The following APBA1 variants were observed in gnomAD, a reference collection of about 807,000 sequenced individuals.
APBA1 encodes the protein amyloid beta precursor protein binding family A member 1, also known as amyloid-beta A4 precursor protein-binding family A member 1.
In APBA1, 55 loss-of-function variants were observed where a neutral mutation model predicts 86.6. The observed-to-expected ratio is 0.64, with a 90% confidence interval of 0.51 to 0.80. The LOEUF (loss-of-function observed/expected upper bound fraction) is 0.80. Among genes scored for constraint, APBA1 ranks in the 30% least tolerant of loss-of-function variants. The pLI is 0.00. For missense variants in APBA1, 1,090 were observed against 1,183.0 expected (o/e 0.92, Z 1.15); for synonymous variants, 511 against 493.9 (o/e 1.03, Z -0.46).
chr9:69,578,277 C>G (rs1821846084), intron 1 of APBA1, among the ~76,000 whole-genome samples: 1 of 152,200 alleles, frequency 6.6e-6, no homozygotes, highest in African/African-American at 2.4e-5. Flanking sequence ...AAAGCTGCTT[C>G]TATGTCCCCA....
chr9:69,665,005 A>G (rs1018989318), intron 1 of APBA1, among the ~76,000 whole-genome samples: 5 of 152,220 alleles, frequency 3.3e-5, no homozygotes, highest in African/African-American at 1.2e-4. Context: ...AGCTGTATCG[A>G]CAGTCTCCAA....
At position 69,460,305 on chromosome 9, in the gene APBA1, T is replaced by G. The variant is rs571613618; in HGVS notation, c.1483-2117A>C. Among the ~76,000 whole-genome samples, 9 of 152,334 alleles carry G rather than the reference T, an allele frequency of 5.9e-5. No homozygotes were observed. In the East Asian group the frequency reaches 1.7e-3, roughly 29 times the overall value. ...TGAAAAAGTTTGAAGGTAGCAACTC[T>G]GTCATCCTGACTGCTGCACATTACA... On this transcript the variant is annotated intron_variant, in intron 5 of 12. Transcript: ENST00000265381.
intron 1 of APBA1, among the ~76,000 whole-genome samples, chr9:69,530,552 C>A (rs1836415077): frequency 6.6e-6 from 1 of 151,800 alleles, no homozygotes; most frequent in African/African-American, 2.4e-5. Context: ...ACTATAGATA[C>A]CAGGGACTCC....
chr9:69,614,410 C>A lies in APBA1; in HGVS notation c.-70+57743G>T, dbSNP rs1423162464. The stretch of plus-strand genomic sequence containing the variant: ...CAAATGATAAGTGATGCTAGACCTT[C>A]CTTAAATTACATTTATGGGTATGTT... On this transcript the variant is annotated intron_variant, in intron 1 of 12. Coordinates refer to ENST00000265381, the MANE Select transcript of APBA1 (RefSeq NM_001163.4). 2.0e-5 allele frequency among the ~76,000 whole-genome samples: 3 copies of A among 152,060 alleles called. No individual in the cohort carries two copies. The East Asian group carries it at 5.8e-4, about 29-fold the overall frequency.
At chr9:69,454,492 T>C (rs1263264002) in intron 8 of APBA1, among the ~76,000 whole-genome samples, 1 of 152,036 alleles carries the variant, frequency 6.6e-6, no homozygotes. Flanking sequence ...GTGAGGGAGG[T>C]ACTATCGTCC....
At chr9:69,492,226 C>T (rs1485312594) in intron 2 of APBA1, among the ~76,000 whole-genome samples, 1 of 152,058 alleles carries the variant, frequency 6.6e-6, no homozygotes, top group African/African-American at 2.4e-5. Context: ...CTCTTTGATA[C>T]TTCCTGAGAA....
Position 69,529,173 on chromosome 9 carries a change from G to C in APBA1, c.-69-11894C>G, listed in dbSNP as rs537167043. 2.0e-5 allele frequency among the ~76,000 whole-genome samples: 3 copies of C among 152,096 alleles called. No homozygotes were observed. The East Asian group carries it at 5.8e-4, about 29-fold the overall frequency. On this transcript the variant is annotated intron_variant, in intron 1 of 12. Coordinates refer to ENST00000265381, the MANE Select transcript of APBA1 (RefSeq NM_001163.4). Reference sequence around the variant, plus strand: ...TCAGGAAAGCAGCAAAGACTATGCTGGTCATAATCCTCAAACATATTTTTG... The same window carrying C: ...TCAGGAAAGCAGCAAAGACTATGCTCGTCATAATCCTCAAACATATTTTTG...
At chr9:69,436,850 T>C (rs1325416056) in intron 11 of APBA1, among the ~76,000 whole-genome samples, 1 of 151,994 alleles carries the variant, frequency 6.6e-6, no homozygotes, top group Non-Finnish European at 1.5e-5. Context: ...CCCTGTCTTG[T>C]GCCAGTTTTC....
chr9:69,587,900 C>T (rs1822052139), intron 1 of APBA1, among the ~76,000 whole-genome samples: 1 of 151,798 alleles, frequency 6.6e-6, no homozygotes, highest in African/African-American at 2.4e-5. Flanking sequence ...GTGTTGGGTG[C>T]CTGTAATCTC....
intron 1 of APBA1, among the ~76,000 whole-genome samples, chr9:69,658,252 CTTTCTTTCTTTCTTTCTT>C (rs1564104762): frequency 1.0e-3 from 23 of 22,974 alleles, no homozygotes; most frequent in African/African-American, 1.5e-3. Flanking sequence ...TTCTTTCTTT[CTTTCTTTCTTTCTTTCTT>C]TCTTTCTTTC....
chr9:69,444,364 G>C (rs1219010041), intron 10 of APBA1, among the ~76,000 whole-genome samples: 1 of 152,214 alleles, frequency 6.6e-6, no homozygotes, highest in Non-Finnish European at 1.5e-5. Context: ...TCGACAAAGG[G>C]AGATGCTCTG....
At chr9:69,542,656 G>C (rs1344581680) in intron 1 of APBA1, among the ~76,000 whole-genome samples, 1 of 152,258 alleles carries the variant, frequency 6.6e-6, no homozygotes, top group African/African-American at 2.4e-5. Flanking sequence ...GTGATTGTTA[G>C]ATTGTGTGTA....
chr9:69,636,922 G>GGAAGGAAGGAAGGAAGGAAGGAAGGAAA (rs1331913719), intron 1 of APBA1, among the ~76,000 whole-genome samples: 2 of 63,958 alleles, frequency 3.1e-5, no homozygotes, highest in African/African-American at 6.7e-5. Context: ...AAGGAAGGAA[G>GGAAGGAAGGAAGGAAGGAAGGAAGGAAA]GAAAGAAAGA....
chr9:69,558,834 G>C (rs964146984), intron 1 of APBA1, among the ~76,000 whole-genome samples: 3 of 151,920 alleles, frequency 2.0e-5, no homozygotes, highest in Non-Finnish European at 4.4e-5. Flanking sequence ...TACAGTATTT[G>C]ATTTTCTGTT....
At chr9:69,526,941 G>T (rs151096404) in intron 1 of APBA1, among the ~76,000 whole-genome samples, 596 of 152,216 alleles carry the variant, frequency 3.9e-3, no homozygotes, top group Non-Finnish European at 6.9e-3. Context: ...CATGCATGCA[G>T]CTGGAGGCCA....
At chr9:69,606,637 G>C (rs980275015) in intron 1 of APBA1, among the ~76,000 whole-genome samples, 2 of 151,608 alleles carry the variant, frequency 1.3e-5, no homozygotes, top group Admixed American at 6.6e-5. Context: ...GACTACAGGC[G>C]CCCACCACCA....
At chr9:69,596,687 C>G (rs924205376) in intron 1 of APBA1, among the ~76,000 whole-genome samples, 1 of 152,210 alleles carries the variant, frequency 6.6e-6, no homozygotes, top group Non-Finnish European at 1.5e-5. Flanking sequence ...TTGACTAGTA[C>G]TTAGGCAATC....
chr9:69,569,586 C>T lies in APBA1; in HGVS notation c.-69-52307G>A, dbSNP rs1016628575. ...GTCCAGCCCCAAATGCCAATGGTGC[C>T]GAGACTGAGAAACCCTCAAAAAAAT... On this transcript the variant is annotated intron_variant, in intron 1 of 12. Coordinates refer to ENST00000265381, the MANE Select transcript of APBA1 (RefSeq NM_001163.4). Among the ~76,000 whole-genome samples, 5 of 151,922 alleles carry T rather than the reference C, an allele frequency of 3.3e-5. No homozygotes were observed. The South Asian group carries it at 6.2e-4, about 19-fold the overall frequency.
intron 1 of APBA1, among the ~76,000 whole-genome samples, chr9:69,555,624 A>T (rs1836848714): frequency 6.6e-6 from 1 of 152,198 alleles, no homozygotes. Context: ...GGCAAAATAT[A>T]AAAAAAGTTT....
Sources: gnomAD v4.1 joint callset for allele counts (sites outside exome capture counted in the v4.1 genomes callset) on GRCh38, gnomAD v4.1.1 for gene constraint, MANE v1.5 for transcripts, NCBI Gene and HGNC (gene_info 2026-07-23, HGNC 2026-07-21) for gene names.